Variants in CDH10 observed in about 807,000 individuals in gnomAD.
The protein encoded by CDH10 is cadherin-10.
CDH10 carries 30 observed loss-of-function variants against 73.1 expected under a neutral mutation model. The observed-to-expected ratio is 0.41, with a 90% confidence interval of 0.31 to 0.56. CDH10 has a LOEUF of 0.56. Among genes scored for constraint, CDH10 ranks in the 20% least tolerant of loss-of-function variants. The probability of loss-of-function intolerance (pLI) is 0.27; values close to 1 mark genes in which losing one functional copy is unlikely to be tolerated. For synonymous variants in CDH10, 345 were observed against 348.2 expected (o/e 0.99, Z 0.10); for missense variants, 815 against 973.7 (o/e 0.84, Z 2.17).
chr5:24,626,859 T>C (rs1360355540), intron 1 of CDH10, among the ~76,000 whole-genome samples: 1 of 123,214 alleles, frequency 8.1e-6, no homozygotes, highest in Non-Finnish European at 1.8e-5. Context: ...TAAGTGTATA[T>C]ATATGTGTAT....
At chr5:24,563,912 C>G (rs1579813634) in intron 2 of CDH10, among the ~76,000 whole-genome samples, 1 of 151,866 alleles carries the variant, frequency 6.6e-6, no homozygotes, top group Non-Finnish European at 1.5e-5. Context: ...GGGTTGTAAC[C>G]CATCACTAAT....
Position 24,507,094 on chromosome 5 carries a change from C to T in CDH10, c.1257-1846G>A, listed in dbSNP as rs188791820. ...CAGAACACACATTTTAAGAAAATCC[C>T]TTTGATTACTGTATTAACATTCACA... On this transcript the variant is annotated intron_variant, in intron 7 of 11. Transcript: ENST00000264463. Among the ~76,000 whole-genome samples, 1,072 of 152,140 alleles carry T rather than the reference C, an allele frequency of 7.0e-3. 7 individuals are homozygous for T. The highest frequency in any genetic ancestry group is 9.4e-3 in the Non-Finnish European group (637 of 67,960).
intron 1 of CDH10, among the ~76,000 whole-genome samples, chr5:24,603,889 T>C (rs952275260): frequency 6.6e-6 from 1 of 152,094 alleles, no homozygotes. Context: ...TAAAACTGTG[T>C]CTATTTGCAA....
intron 5 of CDH10, among the ~76,000 whole-genome samples, chr5:24,525,011 G>A: frequency 6.6e-6 from 1 of 151,984 alleles, no homozygotes; most frequent in Non-Finnish European, 1.5e-5. Flanking sequence ...CTGCCAATTT[G>A]TGTACAAGAG....
intron 1 of CDH10, among the ~76,000 whole-genome samples, chr5:24,615,319 A>G (rs2112154646): frequency 6.6e-6 from 1 of 152,292 alleles, no homozygotes; most frequent in African/African-American, 2.4e-5. Flanking sequence ...GTTCTCAAAT[A>G]TCACCTCGTT....
chr5:24,495,883 A>G (rs1052337968), intron 9 of CDH10, among the ~76,000 whole-genome samples: 5 of 140,658 alleles, frequency 3.6e-5, no homozygotes, highest in Middle Eastern at 3.6e-3. Flanking sequence ...AGAAAGAAAA[A>G]GAAAAAAAAA....
At chr5:24,565,391 T>C (rs749573966) in intron 2 of CDH10, among the ~76,000 whole-genome samples, 28 of 152,298 alleles carry the variant, frequency 1.8e-4, no homozygotes, top group South Asian at 4.1e-4. Flanking sequence ...TAACATACCA[T>C]GCCTTTTACA....
At chr5:24,558,948 C>A (rs963809935) in intron 2 of CDH10, among the ~76,000 whole-genome samples, 1 of 151,740 alleles carries the variant, frequency 6.6e-6, no homozygotes, top group African/African-American at 2.4e-5. Context: ...TCAGCATTCC[C>A]CTTTCATTTT....
intron 2 of CDH10, among the ~76,000 whole-genome samples, chr5:24,577,755 A>G (rs1228329737): frequency 1.3e-5 from 2 of 152,178 alleles, no homozygotes; most frequent in Non-Finnish European, 2.9e-5. Context: ...CTGAGGCTAT[A>G]GGACGGCCAT....
intron 2 of CDH10, among the ~76,000 whole-genome samples, chr5:24,564,632 A>G (rs1392888379): frequency 6.6e-6 from 1 of 152,192 alleles, no homozygotes; most frequent in Non-Finnish European, 1.5e-5. Context: ...AAATACGTTT[A>G]AAACATGAAT....
At chr5:24,637,181 C>A (rs759746996) in intron 1 of CDH10, among the ~76,000 whole-genome samples, 3 of 151,910 alleles carry the variant, frequency 2.0e-5, no homozygotes, top group Non-Finnish European at 2.9e-5. Context: ...ACTTTTGTTT[C>A]TTTCTCCCTC....
At chr5:24,639,321 A>ATGT (rs903564016) in intron 1 of CDH10, among the ~76,000 whole-genome samples, 12 of 151,620 alleles carry the variant, frequency 7.9e-5, no homozygotes, top group African/African-American at 2.9e-4. Flanking sequence ...TTACGAAAGG[A>ATGT]GAAACAGTTA....
At chr5:24,547,519 T>C (rs748848735) in intron 2 of CDH10, among the ~76,000 whole-genome samples, 1 of 152,124 alleles carries the variant, frequency 6.6e-6, no homozygotes, top group Non-Finnish European at 1.5e-5. Context: ...TTTATGGTAC[T>C]GGAGTAAAAA....
rs138986440 is a variant in CDH10, at chr5:24,594,913, T to C, written c.-123-1300A>G. Among the ~76,000 whole-genome samples the C allele has an allele frequency of 2.8e-4, 43 of 152,080 alleles. No homozygotes were observed. The East Asian group carries it at 7.9e-3, about 28-fold the overall frequency. On this transcript the variant is annotated intron_variant, in intron 1 of 11. Transcript: ENST00000264463. Reference sequence around the variant, plus strand: ...GTATAAAAAAGAATCTTGTCTATAATAGATGTTCAATAAACAGTTTGAATG... The same window carrying C: ...GTATAAAAAAGAATCTTGTCTATAACAGATGTTCAATAAACAGTTTGAATG...
chr5:24,622,737 C>A (rs1446499639), intron 1 of CDH10, among the ~76,000 whole-genome samples: 1 of 152,046 alleles, frequency 6.6e-6, no homozygotes, highest in African/African-American at 2.4e-5. Context: ...AGACAGCAGG[C>A]ATTACTTCAT....
intron 2 of CDH10, among the ~76,000 whole-genome samples, chr5:24,584,247 T>A (rs1441552838): frequency 6.6e-6 from 1 of 152,094 alleles, no homozygotes; most frequent in East Asian, 1.9e-4. Flanking sequence ...ATAGTAATTA[T>A]ACCAATATTT....
At chr5:24,619,602 C>T (rs1747242653) in intron 1 of CDH10, among the ~76,000 whole-genome samples, 1 of 152,030 alleles carries the variant, frequency 6.6e-6, no homozygotes, top group Non-Finnish European at 1.5e-5. Context: ...TTTGCCTGCA[C>T]GAAGGACATG....
intron 1 of CDH10, among the ~76,000 whole-genome samples, chr5:24,613,821 C>T (rs951367190): frequency 6.6e-6 from 1 of 152,098 alleles, no homozygotes; most frequent in African/African-American, 2.4e-5. Flanking sequence ...TGCTCCCTTA[C>T]CCCACTAAAA....
chr5:24,511,443 C>T lies in CDH10; in HGVS notation c.886G>A (p.Ala296Thr), dbSNP rs755374117. The T allele has an allele frequency of 7.5e-6, 12 of 1,609,306 alleles. No homozygotes were observed. The highest frequency in any genetic ancestry group is 1.0e-5 in the Non-Finnish European group (12 of 1,175,870). ...ACTTCAGCATTTTTCCCAGTGTCAG[C>T]ATCAGTTGCTTTGACACTTCCAATG... ...TAIGSVKATD[A>T]DTGKNAEVEY... The change falls in exon 6 of 12, where the codon GCT becomes ACT. Residue 296 changes from alanine to threonine, a missense_variant. Physicochemically the swap from Ala to Thr is moderately conservative, Grantham distance 58 (BLOSUM62 0). Coordinates refer to ENST00000264463, the MANE Select transcript of CDH10 (RefSeq NM_006727.5).
Sources: allele counts gnomAD v4.1 joint callset (sites outside exome capture counted in the v4.1 genomes callset), GRCh38; gene constraint gnomAD v4.1.1; transcripts MANE v1.5; gene names NCBI Gene and HGNC (gene_info 2026-07-23, HGNC 2026-07-21).